The following S100Z variants were observed in gnomAD, a reference collection of about 807,000 sequenced individuals.
The protein encoded by S100Z is S100 calcium binding protein Z, also known as protein S100-Z.
A neutral mutation model predicts 8.5 loss-of-function variants in S100Z; 11 were observed. That is an observed-to-expected ratio of 1.30 (90% CI 0.82 to 2.15). The LOEUF (loss-of-function observed/expected upper bound fraction) is 2.15. S100Z is among the 30% of genes most tolerant of loss of function. S100Z has a pLI of 0.00. For synonymous variants in S100Z, 34 were observed against 43.8 expected, an observed-to-expected ratio of 0.78 and a Z score of 0.89; for missense variants, 126 against 117.9, an observed-to-expected ratio of 1.07 and a Z score of -0.32.
chr5:76,863,702 C>T (rs1216805404), intron 1 of S100Z, among the ~76,000 whole-genome samples: 1 of 151,786 alleles, frequency 6.6e-6, no homozygotes, highest in Non-Finnish European at 1.5e-5. Context: ...CCACACCCAG[C>T]TAATTTTTTG....
chr5:76,869,663 C>CA (rs1383313663), intron 1 of S100Z, among the ~76,000 whole-genome samples: 1 of 152,026 alleles, frequency 6.6e-6, no homozygotes, highest in African/African-American at 2.4e-5. Flanking sequence ...TAATAGGGAC[C>CA]AAAAATTAAA....
chr5:76,875,465 C>T lies in S100Z; in HGVS notation c.106C>T (p.Leu36=). ...RFKLSKGELK[L]LLQRELTEFL... ...CAAGCTCAGCAAGGGGGAACTGAAA[C>T]TGCTCCTGCAGCGAGAGCTCACGGA... The change falls in exon 3 of 5, where the codon CTG becomes TTG. Residue 36 remains leucine (L), a synonymous_variant. Coordinates refer to ENST00000317593, the MANE Select transcript of S100Z (RefSeq NM_130772.4). The T allele has an allele frequency of 1.2e-6, 2 of 1,612,512 alleles. No homozygotes were observed. The highest frequency in any genetic ancestry group is 1.7e-6 in the Non-Finnish European group (2 of 1,179,318).
At position 76,887,786 on chromosome 5, in the gene S100Z, T is replaced by A. The variant is rs1332642990; in HGVS notation, c.*2+9952T>A. On this transcript the variant is annotated intron_variant, in intron 4 of 4. Transcript: ENST00000317593. ...GAAGGAATCTGCCAATTGCTGACTTTCTAGTGCTAAGACCTGCCATTTTTT... is the reference window on the plus strand; with the variant it reads ...GAAGGAATCTGCCAATTGCTGACTTACTAGTGCTAAGACCTGCCATTTTTT... Among the ~76,000 whole-genome samples the A allele has an allele frequency of 2.0e-5, 3 of 152,150 alleles. No homozygotes were observed. The East Asian group carries it at 5.8e-4, about 29-fold the overall frequency.
chr5:76,865,073 C>T (rs1263971623), intron 1 of S100Z, among the ~76,000 whole-genome samples: 1 of 152,026 alleles, frequency 6.6e-6, no homozygotes, highest in Non-Finnish European at 1.5e-5. Context: ...AACTGTAAAG[C>T]AGCCTTGGGC....
chr5:76,873,942 T>A (rs1039957029), intron 2 of S100Z, among the ~76,000 whole-genome samples: 4 of 152,324 alleles, frequency 2.6e-5, no homozygotes, highest in Middle Eastern at 3.4e-3. Context: ...AACTTTTTTA[T>A]TAGGTAATAC....
chr5:76,875,861 A>T (rs973418427), intron 3 of S100Z, among the ~76,000 whole-genome samples: 1 of 152,120 alleles, frequency 6.6e-6, no homozygotes, highest in Non-Finnish European at 1.5e-5. Context: ...TAAATTATGT[A>T]TTGGGCCAGA....
At chr5:76,897,524 C>T (rs1744083349) in intron 4 of S100Z, among the ~76,000 whole-genome samples, 2 of 151,742 alleles carry the variant, frequency 1.3e-5, no homozygotes, top group South Asian at 2.1e-4. Context: ...TGAAGAATGT[C>T]ATTGTTATCT....
At chr5:76,872,261 A>C (rs1743038119) in intron 2 of S100Z, among the ~76,000 whole-genome samples, 1 of 151,982 alleles carries the variant, frequency 6.6e-6, no homozygotes. Flanking sequence ...ATAAATAAAT[A>C]ATGAACTAAA....
downstream of S100Z, among the ~76,000 whole-genome samples, chr5:76,923,243 A>T (rs1246790714): frequency 2.0e-5 from 3 of 152,184 alleles, no homozygotes; most frequent in East Asian, 5.8e-4. Flanking sequence ...AGTCTTTTGT[A>T]ATTTCCCCCC....
At chr5:76,874,946 G>A (rs1341075134) in intron 2 of S100Z, among the ~76,000 whole-genome samples, 1 of 151,884 alleles carries the variant, frequency 6.6e-6, no homozygotes, top group African/African-American at 2.4e-5. Context: ...GTGCAGTGGC[G>A]CGATCTCGGC....
At chr5:76,940,896 T>C in the S100Z span, among the ~76,000 whole-genome samples, 1 of 152,192 alleles carries the variant, frequency 6.6e-6, no homozygotes, top group African/African-American at 2.4e-5. Flanking sequence ...TTCTTGTTTT[T>C]GATGATCTTG....
intron 4 of S100Z, among the ~76,000 whole-genome samples, chr5:76,899,265 A>C (rs961591008): frequency 2.0e-5 from 3 of 152,130 alleles, no homozygotes; most frequent in Admixed American, 6.5e-5. Context: ...CTTGTAGACA[A>C]TAGATCAATG....
the S100Z span, among the ~76,000 whole-genome samples, chr5:76,933,741 T>C: frequency 6.6e-6 from 1 of 152,210 alleles, no homozygotes. Context: ...TGGTGAGATA[T>C]ACATAACAAA....
intron 4 of S100Z, among the ~76,000 whole-genome samples, chr5:76,917,162 G>T (rs1035289907): frequency 1.4e-5 from 2 of 147,128 alleles, no homozygotes; most frequent in South Asian, 4.3e-4. Context: ...TCAAAAAGTT[G>T]TATGAAAAGA....
At chr5:76,903,934 A>G (rs752931717) in intron 4 of S100Z, among the ~76,000 whole-genome samples, 4 of 151,898 alleles carry the variant, frequency 2.6e-5, no homozygotes, top group Non-Finnish European at 4.4e-5. Context: ...GGCTGTTAGT[A>G]GAGACCATGT....
At chr5:76,942,590 T>C in the S100Z span, among the ~76,000 whole-genome samples, 1 of 152,240 alleles carries the variant, frequency 6.6e-6, no homozygotes, top group African/African-American at 2.4e-5. Context: ...CTTTCATACA[T>C]AATTCCAACA....
intron 2 of S100Z, among the ~76,000 whole-genome samples, chr5:76,871,658 G>C (rs973188933): frequency 1.3e-5 from 2 of 151,776 alleles, no homozygotes; most frequent in Non-Finnish European, 2.9e-5. Flanking sequence ...GAGTAGCTGG[G>C]ATTACAGGCA....
At chr5:76,933,425 G>C in the S100Z span, among the ~76,000 whole-genome samples, 1 of 152,296 alleles carries the variant, frequency 6.6e-6, no homozygotes, top group South Asian at 2.1e-4. Context: ...CAAACAGTGT[G>C]AATGTTCCCT....
At chr5:76,889,657 G>A (rs1011508037) in intron 4 of S100Z, among the ~76,000 whole-genome samples, 1 of 152,218 alleles carries the variant, frequency 6.6e-6, no homozygotes, top group Non-Finnish European at 1.5e-5. Flanking sequence ...AGCAATCTCT[G>A]TTTCAAATTA....
Sources: allele counts gnomAD v4.1 joint callset (sites outside exome capture counted in the v4.1 genomes callset), GRCh38; gene constraint gnomAD v4.1.1; transcripts MANE v1.5; gene names NCBI Gene and HGNC (gene_info 2026-07-23, HGNC 2026-07-21).